Variants in STK32C observed in about 807,000 individuals in gnomAD.
STK32C encodes serine/threonine-protein kinase 32C.
STK32C carries 31 observed loss-of-function variants against 56.5 expected under a neutral mutation model. The ratio of observed to expected loss-of-function variants is 0.55; its 90% CI spans 0.41 to 0.74. STK32C has a LOEUF of 0.74. Among genes scored for constraint, STK32C ranks in the 30% least tolerant of loss-of-function variants. The pLI is 0.00. For synonymous variants in STK32C, 309 were observed against 289.4 expected, an observed-to-expected ratio of 1.07 and a Z score of -0.69; for missense variants, 544 against 676.9, an observed-to-expected ratio of 0.80 and a Z score of 2.18.
intron 1 of STK32C, among the ~76,000 whole-genome samples, chr10:132,305,218 G>A (rs996675168): frequency 2.0e-5 from 3 of 152,224 alleles, no homozygotes; most frequent in African/African-American, 7.2e-5. Flanking sequence ...GTTCTGGCAT[G>A]ACAAAGACGT....
intron 1 of STK32C, among the ~76,000 whole-genome samples, chr10:132,288,943 A>C (rs1223411051): frequency 1.3e-5 from 2 of 152,212 alleles, no homozygotes; most frequent in African/African-American, 4.8e-5. Flanking sequence ...TGTACATATA[A>C]ATTGACAAGT....
chr10:132,234,371 C>T (rs1784537630), intron 2 of STK32C, among the ~76,000 whole-genome samples: 1 of 152,192 alleles, frequency 6.6e-6, no homozygotes. Context: ...CTGCCACATT[C>T]CCATGCCTTG....
rs576901067 is a variant in STK32C at position 132,285,735 on chromosome 10, A to G, written c.262+21837T>C. Among the ~76,000 whole-genome samples the G allele has an allele frequency of 1.2e-4, 18 of 152,382 alleles. 1 individual carries two copies. In the South Asian group the frequency reaches 3.7e-3, roughly 32 times the overall value. ...AACAGACTAACCAACAGACATAGCGATAGATTGCATCATTCCCCTCTATTA... is the reference window on the plus strand; with the variant it reads ...AACAGACTAACCAACAGACATAGCGGTAGATTGCATCATTCCCCTCTATTA... On this transcript the variant is annotated intron_variant, in intron 1 of 11. Transcript: ENST00000298630.
chr10:132,293,523 C>T (rs11818502), intron 1 of STK32C, among the ~76,000 whole-genome samples: 53,745 of 152,102 alleles, frequency 0.35, 9,824 homozygotes, highest in African/African-American at 0.41. Context: ...TAGCCACTGG[C>T]TTGGGGTGGG....
At chr10:132,249,922 T>G (rs995596795) in intron 1 of STK32C, among the ~76,000 whole-genome samples, 12 of 152,042 alleles carry the variant, frequency 7.9e-5, no homozygotes, top group Non-Finnish European at 1.6e-4. Flanking sequence ...AAAGGAGAGG[T>G]GAGCTCTCAT....
In STK32C at chr10:132,307,553, T is replaced by A; in HGVS notation, c.262+19A>T. ...GCAATAGCGCGCGGCCCCCACGTCG[T>A]CCCCGTGCCCGCACTCACCGTCCTC... On this transcript the variant is annotated intron_variant, in intron 1 of 11. Coordinates refer to ENST00000298630, the MANE Select transcript of STK32C (RefSeq NM_173575.4). This position sits in a 1 kb window ranked among gnomAD's most constrained non-coding sequence, Gnocchi z 4.4. 1 of 1,474,240 alleles carries A rather than the reference T, an allele frequency of 6.8e-7. No individual in the cohort carries two copies. The highest frequency in any genetic ancestry group is 9.0e-7 in the Non-Finnish European group (1 of 1,105,932). 91.3% of individuals were successfully genotyped at this position (1,474,240 alleles called of 1,614,324 possible).
At chr10:132,233,047 G>A (rs887499823) in intron 2 of STK32C, among the ~76,000 whole-genome samples, 1 of 152,182 alleles carries the variant, frequency 6.6e-6, no homozygotes, top group African/African-American at 2.4e-5. Context: ...CCTTCCTGGG[G>A]GAGCTTCTGG....
rs530554161 is a variant in STK32C, at chr10:132,294,875, C to T, written c.262+12697G>A. On this transcript the variant is annotated intron_variant, in intron 1 of 11. Coordinates refer to ENST00000298630, the MANE Select transcript of STK32C (RefSeq NM_173575.4). ...CAGGCCACAGGTCCTGCAGCTGCCA[C>T]GTGTGGTGGCTTTGTTTCATCGTGA... 5.3e-5 allele frequency among the ~76,000 whole-genome samples: 8 copies of T among 152,296 alleles called. No homozygotes were observed. The South Asian group carries it at 1.0e-3, about 20-fold the overall frequency.
At position 132,294,708 on chromosome 10, in the gene STK32C, T is replaced by G. The variant is rs11817439; in HGVS notation, c.262+12864A>C. Among the ~76,000 whole-genome samples the G allele has an allele frequency of 9.0e-3, 1,368 of 152,232 alleles. 20 individuals carry two copies. The highest frequency in any genetic ancestry group is 0.031 in the African/African-American group (1,280 of 41,528). On this transcript the variant is annotated intron_variant, in intron 1 of 11. Coordinates refer to ENST00000298630, the MANE Select transcript of STK32C (RefSeq NM_173575.4). ...CATCTACAGCCAACAGCTCAGCCTC[T>G]GATCCAGGCATGGGTCAGTGCACCA...
intron 2 of STK32C, among the ~76,000 whole-genome samples, chr10:132,229,200 A>T (rs1014116469): frequency 6.6e-6 from 1 of 152,220 alleles, no homozygotes; most frequent in Non-Finnish European, 1.5e-5. Context: ...CCTTCCCAGG[A>T]CAGGTAATCC....
chr10:132,234,672 G>A (rs1297379092), intron 2 of STK32C, among the ~76,000 whole-genome samples: 1 of 152,322 alleles, frequency 6.6e-6, no homozygotes, highest in East Asian at 1.9e-4. Context: ...CGGGGCAGGT[G>A]TGGCTGCCAT....
intron 1 of STK32C, among the ~76,000 whole-genome samples, chr10:132,261,800 C>T (rs1205262372): frequency 1.3e-5 from 2 of 152,084 alleles, no homozygotes; most frequent in Non-Finnish European, 2.9e-5. Context: ...AGAGATGACA[C>T]AAACCAGTGG....
chr10:132,243,739 TG>T (rs2063587790), intron 2 of STK32C, among the ~76,000 whole-genome samples: 1 of 152,158 alleles, frequency 6.6e-6, no homozygotes, highest in African/African-American at 2.4e-5. Flanking sequence ...GGTGGAGCCA[TG>T]GCCCTGGTGG....
intron 1 of STK32C, chr10:132,249,131 C>A: frequency 2.3e-6 from 1 of 431,316 alleles, no homozygotes; most frequent in South Asian, 1.6e-5. Context: ...GGGGCTGTGG[C>A]GTCAGGGCGT....
intron 1 of STK32C, among the ~76,000 whole-genome samples, chr10:132,270,016 T>C (rs1391510961): frequency 6.6e-6 from 1 of 151,806 alleles, no homozygotes; most frequent in Non-Finnish European, 1.5e-5. Context: ...CCCTGCAGAG[T>C]TTACAAGCTG....
intron 7 of STK32C, 38 bp from the exon 8 acceptor site, chr10:132,224,561 G>A (rs925786798): frequency 1.2e-5 from 18 of 1,479,842 alleles, no homozygotes; most frequent in South Asian, 2.4e-5. Flanking sequence ...GGTCCTCCTG[G>A]CCCCCAGGAC....
At position 132,225,344 on chromosome 10, in the gene STK32C, A is replaced by C. The variant is rs1383125113; in HGVS notation, c.773-8T>G. The C allele has an allele frequency of 6.2e-7, 1 of 1,604,850 alleles. No homozygotes were observed. ...AGTGGAAGATCTCCGGAGCTTTCCG[A>C]CAGAAAGAAGGAAAAACAGCTGCCA... is the stretch of plus-strand genomic sequence containing the variant. On this transcript the variant is annotated splice_region_variant and splice_polypyrimidine_tract_variant and intron_variant, in intron 6 of 11. Transcript: ENST00000298630.
At chr10:132,278,141 C>G (rs1194790127) in intron 1 of STK32C, among the ~76,000 whole-genome samples, 1 of 152,176 alleles carries the variant, frequency 6.6e-6, no homozygotes, top group African/African-American at 2.4e-5. Flanking sequence ...TCTGACTTGG[C>G]TCTCAGAGCA....
chr10:132,214,219 A>T (rs2062400056), intron 10 of STK32C, among the ~76,000 whole-genome samples: 1 of 150,224 alleles, frequency 6.7e-6, no homozygotes, highest in Non-Finnish European at 1.5e-5. Flanking sequence ...GCATATCATT[A>T]TTCAAATTGC....
Sources: allele counts gnomAD v4.1 joint callset (sites outside exome capture counted in the v4.1 genomes callset), GRCh38; gene constraint gnomAD v4.1.1; non-coding constraint Gnocchi (gnomAD v3.1); transcripts MANE v1.5; gene names NCBI Gene and HGNC (gene_info 2026-07-23, HGNC 2026-07-21).